Variants in DLG5 observed in about 807,000 individuals in gnomAD.
DLG5 encodes the protein disks large homolog 5.
A neutral mutation model predicts 189.8 loss-of-function variants in DLG5; 48 were observed. The ratio of observed to expected loss-of-function variants is 0.25; its 90% confidence interval spans 0.20 to 0.32. DLG5 has a LOEUF of 0.32. Among genes scored for constraint, DLG5 ranks in the 10% least tolerant of loss-of-function variants. The pLI is 1.00. For synonymous variants in DLG5, 1,016 were observed against 1,054.1 expected (o/e 0.96, Z 0.70); for missense variants, 2,160 against 2,544.7 (o/e 0.85, Z 3.25).
At chr10:77,814,029 A>C (rs1841913488) in intron 20 of DLG5, among the ~76,000 whole-genome samples, 1 of 151,834 alleles carries the variant, frequency 6.6e-6, no homozygotes, top group Non-Finnish European at 1.5e-5. Flanking sequence ...CCCAGGGTGG[A>C]GTGCAGTGGC....
the DLG5 span, among the ~76,000 whole-genome samples, chr10:77,937,896 T>TC: frequency 6.7e-6 from 1 of 149,072 alleles, no homozygotes. Context: ...TTTTTTTTTT[T>TC]TAGTAGAGAT....
chr10:77,841,678 G>T (rs956697141), intron 7 of DLG5, among the ~76,000 whole-genome samples: 19 of 152,160 alleles, frequency 1.2e-4, no homozygotes, highest in African/African-American at 3.4e-4. Flanking sequence ...CTCCCGCCTT[G>T]TCCCCTGTAA....
chr10:77,805,649 G>A lies in DLG5; in HGVS notation c.5164+16C>T. The A allele has an allele frequency of 1.9e-6, 3 of 1,594,046 alleles. No individual in the cohort carries two copies. Among genetic ancestry groups the A allele is most frequent in the Non-Finnish European group, 8.6e-7 (1 of 1,165,652 alleles). Reference sequence around the variant, plus strand: ...CCATCTGGAGAGCCCACTGGAAAATGAGCTCAGCCACTTGCCTTCAAAGAG... The same window carrying A: ...CCATCTGGAGAGCCCACTGGAAAATAAGCTCAGCCACTTGCCTTCAAAGAG... On this transcript the variant is annotated intron_variant, in intron 27 of 31. Transcript: ENST00000372391.
intron 11 of DLG5, 71 bp downstream of exon 11, chr10:77,830,146 C>T (rs55854323): frequency 0.32 from 502,715 of 1,592,176 alleles, 82,355 homozygotes; most frequent in Non-Finnish European, 0.34. Flanking sequence ...TGCTACCTGG[C>T]TCTCTTCGGG....
chr10:77,813,694 C>T (rs1288084861), intron 20 of DLG5, among the ~76,000 whole-genome samples: 2 of 152,144 alleles, frequency 1.3e-5, no homozygotes, highest in African/African-American at 2.4e-5. Flanking sequence ...GGTCCACCTC[C>T]GTACAACACG....
Position 77,792,310 on chromosome 10 carries a change from G to T in DLG5, c.*130C>A. The T allele has an allele frequency of 1.1e-6, 1 of 910,210 alleles. No homozygotes were observed. The highest frequency in any genetic ancestry group is 1.5e-5 in the South Asian group (1 of 66,538). The allele number at this position is 910,210 out of a possible 1,614,324, so 56.4% of individuals were successfully genotyped here. ...TCTGTCTACAAAGGAGGTGCTTCTG[G>T]GTCCTGGTTCCGGATCCTTCCCCCG... On this transcript the variant is annotated 3_prime_UTR_variant, in exon 32 of 32. Coordinates refer to ENST00000372391, the MANE Select transcript of DLG5 (RefSeq NM_004747.4).
At chr10:77,815,490 T>C (rs931251038) in intron 20 of DLG5, among the ~76,000 whole-genome samples, 1 of 152,138 alleles carries the variant, frequency 6.6e-6, no homozygotes, top group Non-Finnish European at 1.5e-5. Flanking sequence ...TGAAACCCTA[T>C]CTCTACTAAA....
rs780819016 is a variant in DLG5, at chr10:77,817,758, G to A, written c.3784+19C>T. On this transcript the variant is annotated intron_variant, in intron 18 of 31. Coordinates refer to ENST00000372391, the MANE Select transcript of DLG5 (RefSeq NM_004747.4). The stretch of plus-strand genomic sequence containing the variant: ...AGCTTGGCACCCTCTGCAGCACAAA[G>A]TCCAAGTGGTGCAGTTACCCAGGCG... 6.5e-7 allele frequency: 1 copy of A among 1,547,798 alleles called. No individual in the cohort carries two copies. The highest frequency in any genetic ancestry group is 2.0e-5 in the Admixed American group (1 of 51,032).
chr10:77,829,402 C>A lies in DLG5; in HGVS notation c.2138G>T (p.Gly713Val), dbSNP rs1251357922. The change falls in exon 12 of 32, where the codon GGT (glycine) becomes GTT (valine). Residue 713 changes from glycine to valine, a missense_variant. Physicochemically the swap from Gly to Val is moderately radical, Grantham distance 109. Transcript: ENST00000372391. Reference sequence around the variant, plus strand: ...GTGCAGCGGCGTGACCACCTTCCCACCCAGGGACTTCCTCCGCCGCACGAC... The same window carrying A: ...GTGCAGCGGCGTGACCACCTTCCCAACCAGGGACTTCCTCCGCCGCACGAC... ...NMVVRRRKSL[G>V]GKVVTPLHIN... 6.2e-7 allele frequency: 1 copy of A among 1,614,136 alleles called. No homozygotes were observed.
Position 77,796,481 on chromosome 10 carries a change from C to A in DLG5, c.5278G>T (p.Ala1760Ser). The change falls in exon 28 of 32, where the codon GCT becomes TCT. Residue 1760 changes from alanine (A) to serine (S), a missense_variant. Around this residue, in one of 5 missense-constraint regions of DLG5, gnomAD observed 574 missense variants for 644.2 expected, o/e 0.89. Coordinates refer to ENST00000372391, the MANE Select transcript of DLG5 (RefSeq NM_004747.4). The surrounding 1 kb of genome is among the most constrained non-coding windows in gnomAD (Gnocchi z 5.2). ...GGACATCTGCAGAACTTGCCAGGAG[C>A]CTCATTCACCAGCATCTCCTTCACC... ...DVVKEMLVNE[A>S]PGKFCRCPLE... is the part of the protein sequence containing the mutation. The A allele has an allele frequency of 6.2e-7, 1 of 1,614,212 alleles. No homozygotes were observed. The highest frequency in any genetic ancestry group is 1.3e-5 in the African/African-American group (1 of 75,050).
chr10:77,817,988 G>A (rs1842147710), intron 17 of DLG5, 99 bp from the exon 18 acceptor site: 3 of 983,978 alleles, frequency 3.0e-6, no homozygotes, highest in Non-Finnish European at 3.0e-6. Flanking sequence ...TCCCAAGCGG[G>A]CAGAAGGGAG....
chr10:77,928,647 C>G (rs1846757978), upstream of DLG5: 1 of 152,214 alleles, frequency 6.6e-6, no homozygotes, highest in Non-Finnish European at 1.5e-5. Context: ...GCTGGATTAA[C>G]TAGAAAGCTA....
intron 1 of DLG5, among the ~76,000 whole-genome samples, chr10:77,903,072 T>A (rs1295715631): frequency 6.6e-6 from 1 of 152,232 alleles, no homozygotes; most frequent in Admixed American, 6.5e-5. Context: ...CTTTGCATTC[T>A]GATGGTTCAA....
chr10:77,792,855 A>G (rs1356356075), intron 31 of DLG5: 12 of 369,732 alleles, frequency 3.2e-5, no homozygotes, highest in Non-Finnish European at 6.0e-5. Context: ...TGGTCTAATC[A>G]TTAGCAGGAT....
chr10:77,832,537 T>C (rs575980719), intron 9 of DLG5, among the ~76,000 whole-genome samples: 2 of 152,328 alleles, frequency 1.3e-5, no homozygotes, highest in East Asian at 1.9e-4. Context: ...CCCAGGCCAG[T>C]GCAGCTGAGC....
chr10:77,857,733 A>G (rs1481566852), intron 2 of DLG5, among the ~76,000 whole-genome samples: 1 of 152,174 alleles, frequency 6.6e-6, no homozygotes, highest in African/African-American at 2.4e-5. Context: ...AGACTAATCC[A>G]TGGTGCTTTT....
chr10:77,872,828 T>A (rs1477858096), intron 1 of DLG5, among the ~76,000 whole-genome samples: 1 of 151,992 alleles, frequency 6.6e-6, no homozygotes, highest in African/African-American at 2.4e-5. Context: ...AATTTGGTGC[T>A]CCTCATCTTC....
chr10:77,835,344 T>C (rs1254664595), intron 8 of DLG5, among the ~76,000 whole-genome samples: 1 of 152,108 alleles, frequency 6.6e-6, no homozygotes, highest in Admixed American at 6.5e-5. Context: ...ACCAAGCCTC[T>C]CCCAAGGTCT....
chr10:77,934,870 T>G, the DLG5 span, among the ~76,000 whole-genome samples: 7 of 150,742 alleles, frequency 4.6e-5, no homozygotes, highest in East Asian at 1.4e-3. Flanking sequence ...GTTTTTTTTT[T>G]TTTTTGAGAC....
Sources: allele counts gnomAD v4.1 joint callset (sites outside exome capture counted in the v4.1 genomes callset), GRCh38; gene constraint gnomAD v4.1.1; regional missense constraint gnomAD v4.1.1; non-coding constraint Gnocchi (gnomAD v3.1); transcripts MANE v1.5; gene names NCBI Gene and HGNC (gene_info 2026-07-23, HGNC 2026-07-21).